The following ZNF804B variants were observed in gnomAD, a reference collection of about 807,000 sequenced individuals.
ZNF804B encodes the protein zinc finger protein 804B.
A neutral mutation model predicts 101.4 loss-of-function variants in ZNF804B; 80 were observed. The observed-to-expected ratio is 0.79, with a 90% CI of 0.66 to 0.95. ZNF804B has a LOEUF of 0.95. ZNF804B is among the 40% of genes least tolerant of loss of function. The pLI, the probability that ZNF804B is intolerant of heterozygous loss-of-function variation, is 0.00. For missense variants in ZNF804B, 1,673 were observed against 1,561.9 expected, an observed-to-expected ratio of 1.07 and a Z score of -1.20; for synonymous variants, 622 against 558.8, an observed-to-expected ratio of 1.11 and a Z score of -1.59.
At chr7:89,043,659 A>G (rs972543072) in intron 1 of ZNF804B, among the ~76,000 whole-genome samples, 5 of 152,214 alleles carry the variant, frequency 3.3e-5, no homozygotes, top group African/African-American at 9.6e-5. Context: ...TTATGGGAAC[A>G]CATTTTAACA....
rs576913533 is a variant in ZNF804B, at chr7:89,141,447, T to C, written c.109-76708T>C. On this transcript the variant is annotated intron_variant, in intron 1 of 3. Coordinates refer to ENST00000333190, the MANE Select transcript of ZNF804B (RefSeq NM_181646.5). ...ATATATGTGTGTGTATTCCATTTTT[T>C]ATTGATATATTCATCAATGGACATT... Among the ~76,000 whole-genome samples, 15 of 152,204 alleles carry C rather than the reference T, an allele frequency of 9.9e-5. No homozygotes were observed. In the East Asian group the frequency reaches 2.9e-3, roughly 30 times the overall value.
intron 2 of ZNF804B, among the ~76,000 whole-genome samples, chr7:89,290,090 A>G (rs757489098): frequency 8.6e-5 from 13 of 151,992 alleles, no homozygotes; most frequent in Non-Finnish European, 1.9e-4. Context: ...TGGGATGATG[A>G]CATTTCTAGA....
At chr7:88,981,664 T>C (rs1793696365) in intron 1 of ZNF804B, among the ~76,000 whole-genome samples, 1 of 152,048 alleles carries the variant, frequency 6.6e-6, no homozygotes. Flanking sequence ...AGATTCTGAC[T>C]GCTAGGGTGG....
chr7:88,889,290 T>C (rs1219081010), intron 1 of ZNF804B, among the ~76,000 whole-genome samples: 3 of 152,136 alleles, frequency 2.0e-5, no homozygotes, highest in African/African-American at 7.2e-5. Context: ...TGGCTTATTT[T>C]GGGGGAGGGG....
chr7:88,989,231 C>T (rs551112791), intron 1 of ZNF804B, among the ~76,000 whole-genome samples: 7 of 152,026 alleles, frequency 4.6e-5, no homozygotes, highest in Middle Eastern at 3.4e-3. Context: ...CTCCTGACCT[C>T]GTGATCTGCC....
intron 1 of ZNF804B, among the ~76,000 whole-genome samples, chr7:88,874,841 A>G (rs1182960726): frequency 4.0e-5 from 6 of 150,810 alleles, no homozygotes; most frequent in Admixed American, 6.6e-5. Context: ...CCCACCCCAA[A>G]TCAACAGAAT....
intron 2 of ZNF804B, among the ~76,000 whole-genome samples, chr7:89,233,308 T>C (rs900780954): frequency 1.3e-5 from 2 of 152,206 alleles, no homozygotes; most frequent in Non-Finnish European, 2.9e-5. Flanking sequence ...ATGAGTTTCT[T>C]AAAGTAATTC....
Position 89,227,605 on chromosome 7 carries a change from A to G in ZNF804B, c.249+9310A>G, listed in dbSNP as rs553923843. ...GTACAGAGAATACAGTGGGGTAAAT[A>G]GCATTTTCATTAGGGGTTTTAGTAA... On this transcript the variant is annotated intron_variant, in intron 2 of 3. Coordinates refer to ENST00000333190, the MANE Select transcript of ZNF804B (RefSeq NM_181646.5). Among the ~76,000 whole-genome samples the G allele has an allele frequency of 2.0e-5, 3 of 152,356 alleles. No homozygotes were observed. In the South Asian group the frequency reaches 6.2e-4, roughly 32 times the overall value.
intron 1 of ZNF804B, among the ~76,000 whole-genome samples, chr7:89,054,518 C>T (rs1789260753): frequency 6.6e-6 from 1 of 151,656 alleles, no homozygotes; most frequent in Non-Finnish European, 1.5e-5. Context: ...TCAGACCATA[C>T]CACTTCTAAG....
intron 2 of ZNF804B, among the ~76,000 whole-genome samples, chr7:89,323,831 A>T (rs1790857328): frequency 6.6e-6 from 1 of 152,086 alleles, no homozygotes; most frequent in African/African-American, 2.4e-5. Flanking sequence ...ATAAGAGCTG[A>T]TTCATTACAC....
chr7:88,954,687 T>C (rs1445896161), intron 1 of ZNF804B, among the ~76,000 whole-genome samples: 1 of 151,678 alleles, frequency 6.6e-6, no homozygotes, highest in African/African-American at 2.4e-5. Context: ...GGTTTTGGGG[T>C]CACCTGTTAA....
At chr7:89,254,907 A>C (rs969494276) in intron 2 of ZNF804B, among the ~76,000 whole-genome samples, 1 of 152,152 alleles carries the variant, frequency 6.6e-6, no homozygotes, top group Admixed American at 6.5e-5. Context: ...TGGCCTCCCA[A>C]AGTGCTGGGA....
intron 1 of ZNF804B, among the ~76,000 whole-genome samples, chr7:88,957,031 C>T (rs956421597): frequency 4.6e-5 from 7 of 151,404 alleles, no homozygotes; most frequent in African/African-American, 1.7e-4. Flanking sequence ...TTTTTTGATA[C>T]ACTTTGAATT....
chr7:89,121,219 G>A (rs1422419541), intron 1 of ZNF804B, among the ~76,000 whole-genome samples: 1 of 152,108 alleles, frequency 6.6e-6, no homozygotes, highest in East Asian at 1.9e-4. Context: ...ATTTGTTTAG[G>A]AGTCATGAAA....
At chr7:89,248,035 C>A (rs554020909) in intron 2 of ZNF804B, among the ~76,000 whole-genome samples, 1 of 151,894 alleles carries the variant, frequency 6.6e-6, no homozygotes, top group South Asian at 2.1e-4. Context: ...TGGAGTAAGC[C>A]AGTTAAACCA....
intron 1 of ZNF804B, among the ~76,000 whole-genome samples, chr7:88,952,816 A>G (rs1022691098): frequency 2.6e-5 from 4 of 151,760 alleles, no homozygotes; most frequent in African/African-American, 7.2e-5. Flanking sequence ...AAGAATAAAA[A>G]CACTCACACT....
rs1055765279 is a variant in ZNF804B at position 88,954,563 on chromosome 7, C to CA, written c.108+194479_108+194480insA. On this transcript the variant is annotated intron_variant, in intron 1 of 3. Transcript: ENST00000333190. ...AACTCTTTCTAAAACATGCCCCCCC[C>CA]CCACCACGGGTGGCATGAGCAGATA... 4.6e-5 allele frequency among the ~76,000 whole-genome samples: 7 copies of CA among 151,328 alleles called. No individual in the cohort carries two copies. The East Asian group carries it at 7.9e-4, about 17-fold the overall frequency.
rs544653304 is a variant in ZNF804B at position 88,943,876 on chromosome 7, G to A, written c.108+183792G>A. On this transcript the variant is annotated intron_variant, in intron 1 of 3. Transcript: ENST00000333190. ...AATTTAAAGGGCTGTGTACCTTTCT[G>A]TATTTGTCTTCCGTCACTTAGCATA... Among the ~76,000 whole-genome samples, 170 of 151,800 alleles carry A rather than the reference G, an allele frequency of 1.1e-3. 3 individuals carry two copies. The highest frequency in any genetic ancestry group is 0.01 in the Middle Eastern group (3 of 294).
At chr7:89,006,148 A>G (rs532042495) in intron 1 of ZNF804B, among the ~76,000 whole-genome samples, 1 of 152,240 alleles carries the variant, frequency 6.6e-6, no homozygotes, top group Non-Finnish European at 1.5e-5. Context: ...ACAGGTCTCA[A>G]AGCAAGGGCA....
Sources: gnomAD v4.1 joint callset for allele counts (sites outside exome capture counted in the v4.1 genomes callset) on GRCh38, gnomAD v4.1.1 for gene constraint, MANE v1.5 for transcripts, NCBI Gene and HGNC (gene_info 2026-07-23, HGNC 2026-07-21) for gene names.